SCHIP1: variants seen among roughly 807,000 people sequenced by gnomAD.
The protein encoded by SCHIP1 is schwannomin-interacting protein 1.
A neutral mutation model predicts 29.7 loss-of-function variants in SCHIP1; 8 were observed. The observed-to-expected ratio is 0.27, with a 90% confidence interval of 0.16 to 0.49. The LOEUF (loss-of-function observed/expected upper bound fraction) is 0.49, where lower values mean the gene tolerates loss of function less well. Among genes scored for constraint, SCHIP1 ranks in the 20% least tolerant of loss-of-function variants. The pLI, the probability that SCHIP1 is intolerant of heterozygous loss-of-function variation, is 0.99. For missense variants in SCHIP1, 193 were observed against 294.6 expected (o/e 0.66, Z 2.52); for synonymous variants, 76 against 94.9 (o/e 0.80, Z 1.16).
the SCHIP1 span, among the ~76,000 whole-genome samples, chr3:159,465,337 GTGTT>G: frequency 1.1e-4 from 17 of 151,332 alleles, no homozygotes; most frequent in Non-Finnish European, 1.5e-4. Context: ...GTGTGTGTGT[GTGTT>G]TGTGTGCGTG....
the SCHIP1 span, among the ~76,000 whole-genome samples, chr3:159,795,563 C>A: frequency 6.6e-5 from 10 of 152,148 alleles, no homozygotes; most frequent in African/African-American, 2.4e-4. Flanking sequence ...CCTCTGATAC[C>A]CAGACAGGGG....
chr3:159,788,860 A>G, the SCHIP1 span, among the ~76,000 whole-genome samples: 1 of 152,194 alleles, frequency 6.6e-6, no homozygotes, highest in South Asian at 2.1e-4. Flanking sequence ...TTACATATAT[A>G]TAAAATTGAG....
intron 2 of SCHIP1, among the ~76,000 whole-genome samples, chr3:159,881,025 C>T (rs1716382616): frequency 6.6e-6 from 1 of 152,092 alleles, no homozygotes; most frequent in Non-Finnish European, 1.5e-5. Flanking sequence ...GCAGAGTTTG[C>T]CGGATGGGAA....
chr3:159,556,996 C>T, the SCHIP1 span, among the ~76,000 whole-genome samples: 21,674 of 151,198 alleles, frequency 0.14, 1,901 homozygotes, highest in African/African-American at 0.23. Flanking sequence ...CTTGCTCTGC[C>T]GCCCAGACTA....
chr3:159,821,859 A>G, the SCHIP1 span, among the ~76,000 whole-genome samples: 1 of 152,180 alleles, frequency 6.6e-6, no homozygotes, highest in Non-Finnish European at 1.5e-5. Flanking sequence ...GGTCACTTGG[A>G]CACAGCACTG....
the SCHIP1 span, among the ~76,000 whole-genome samples, chr3:159,276,195 C>T: frequency 6.6e-6 from 1 of 152,194 alleles, no homozygotes; most frequent in Non-Finnish European, 1.5e-5. Context: ...CATCAGTCTC[C>T]ATCACATATT....
chr3:159,292,980 G>A, the SCHIP1 span, among the ~76,000 whole-genome samples: 1 of 151,948 alleles, frequency 6.6e-6, no homozygotes, highest in Non-Finnish European at 1.5e-5. Flanking sequence ...TTGTCAATAC[G>A]GGGCATCTTT....
the SCHIP1 span, among the ~76,000 whole-genome samples, chr3:159,320,452 C>T: frequency 6.6e-6 from 1 of 152,098 alleles, no homozygotes; most frequent in Non-Finnish European, 1.5e-5. Context: ...GCCACCTGGT[C>T]TATGGTATTT....
chr3:159,439,541 A>G, the SCHIP1 span, among the ~76,000 whole-genome samples: 1 of 152,270 alleles, frequency 6.6e-6, no homozygotes, highest in Non-Finnish European at 1.5e-5. Context: ...AGATTATGGG[A>G]ATTACAATTC....
At chr3:159,299,383 TA>T in the SCHIP1 span, among the ~76,000 whole-genome samples, 2 of 152,112 alleles carry the variant, frequency 1.3e-5, no homozygotes, top group African/African-American at 2.4e-5. Context: ...CTGGTTTGAG[TA>T]ATGGAATTTA....
chr3:159,423,172 G>A, the SCHIP1 span, among the ~76,000 whole-genome samples: 5 of 152,232 alleles, frequency 3.3e-5, no homozygotes, highest in Non-Finnish European at 7.3e-5. Flanking sequence ...GAGGTACCGG[G>A]TTCATCTCAC....
chr3:159,698,316 A>T, the SCHIP1 span, among the ~76,000 whole-genome samples: 1 of 152,222 alleles, frequency 6.6e-6, no homozygotes, highest in Non-Finnish European at 1.5e-5. Context: ...TTTTTCAAGC[A>T]TGTCTTTTTT....
intron 6 of SCHIP1, chr3:159,892,992 A>G (rs1193433501): frequency 6.6e-6 from 1 of 152,284 alleles, no homozygotes; most frequent in Non-Finnish European, 1.5e-5. Context: ...AAGGCTCTCC[A>G]AAGAAGGAAC....
intron 1 of SCHIP1, among the ~76,000 whole-genome samples, chr3:159,863,626 A>G (rs546410244): frequency 1.3e-5 from 2 of 152,354 alleles, no homozygotes; most frequent in South Asian, 4.1e-4. Context: ...CTAGGAGGAA[A>G]TATACTAAAA....
At chr3:159,828,377 A>ATATATACG in the SCHIP1 span, among the ~76,000 whole-genome samples, 7 of 73,672 alleles carry the variant, frequency 9.5e-5, no homozygotes, top group African/African-American at 4.1e-4. Context: ...ATATATATAC[A>ATATATACG]TATATATATA....
the SCHIP1 span, among the ~76,000 whole-genome samples, chr3:159,660,433 G>A: frequency 6.6e-6 from 1 of 152,050 alleles, no homozygotes; most frequent in Admixed American, 6.6e-5. Flanking sequence ...ATTGTCATGG[G>A]TTAATATTCA....
At chr3:159,487,200 A>C in the SCHIP1 span, among the ~76,000 whole-genome samples, 1 of 152,168 alleles carries the variant, frequency 6.6e-6, no homozygotes, top group Non-Finnish European at 1.5e-5. Flanking sequence ...AATTGAGAGA[A>C]GTAGTTCATA....
chr3:159,685,759 A>T, the SCHIP1 span, among the ~76,000 whole-genome samples: 1 of 152,118 alleles, frequency 6.6e-6, no homozygotes, highest in Non-Finnish European at 1.5e-5. Flanking sequence ...CCCACATATA[A>T]CTCAGAAATG....
chr3:159,279,163 C>A, the SCHIP1 span, among the ~76,000 whole-genome samples: 1 of 152,108 alleles, frequency 6.6e-6, no homozygotes, highest in African/African-American at 2.4e-5. Context: ...CATGAGAGGA[C>A]CCAATGGAGG....
Sources: gnomAD v4.1 joint callset for allele counts (sites outside exome capture counted in the v4.1 genomes callset) on GRCh38, gnomAD v4.1.1 for gene constraint, MANE v1.5 for transcripts, NCBI Gene and HGNC (gene_info 2026-07-23, HGNC 2026-07-21) for gene names.